The following DSCC1 variants were observed in gnomAD, a reference collection of about 807,000 sequenced individuals.
The protein encoded by DSCC1 is sister chromatid cohesion protein DCC1.
Under a neutral mutation model 48.2 loss-of-function variants are expected in DSCC1, and 32 were observed. That is an observed-to-expected ratio of 0.66 (90% CI 0.50 to 0.89). The LOEUF (loss-of-function observed/expected upper bound fraction) is 0.89. Among genes scored for constraint, DSCC1 ranks in the 40% least tolerant of loss-of-function variants. The pLI, the probability that DSCC1 is intolerant of heterozygous loss-of-function variation, is 0.00. For missense variants in DSCC1, 421 were observed against 471.7 expected, an observed-to-expected ratio of 0.89 and a Z score of 1.00; for synonymous variants, 150 against 171.5, an observed-to-expected ratio of 0.87 and a Z score of 0.98.
chr8:119,835,506 CAAAAA>C (rs1339203051), intron 8 of DSCC1, among the ~76,000 whole-genome samples: 1 of 145,102 alleles, frequency 6.9e-6, no homozygotes, highest in South Asian at 2.2e-4. Context: ...GACTCTGTCT[CAAAAA>C]AACAAACAAA....
intron 1 of DSCC1, among the ~76,000 whole-genome samples, chr8:119,855,151 G>C (rs915633270): frequency 3.3e-5 from 5 of 152,208 alleles, no homozygotes; most frequent in African/African-American, 1.2e-4. Flanking sequence ...AAGCAAGTTT[G>C]CTTCGGGGTG....
At chr8:119,854,837 C>A (rs948378538) in intron 1 of DSCC1, among the ~76,000 whole-genome samples, 17 of 152,154 alleles carry the variant, frequency 1.1e-4, no homozygotes, top group Non-Finnish European at 2.5e-4. Flanking sequence ...GGCCAGTTTA[C>A]TCTAACACTC....
intron 1 of DSCC1, among the ~76,000 whole-genome samples, chr8:119,853,437 A>G (rs1361137710): frequency 6.6e-6 from 1 of 152,028 alleles, no homozygotes. Context: ...AAAAATAATT[A>G]AAGATGGGCA....
chr8:119,841,270 G>A (rs1438034930), intron 7 of DSCC1, among the ~76,000 whole-genome samples: 4 of 152,152 alleles, frequency 2.6e-5, no homozygotes, highest in Non-Finnish European at 4.4e-5. Context: ...GGGATTACAG[G>A]CGTGAGCTAC....
At position 119,834,861 on chromosome 8, in the gene DSCC1, A is replaced by T. The variant is rs778938800; in HGVS notation, c.*32T>A. 7.0e-7 allele frequency: 1 copy of T among 1,429,128 alleles called. No homozygotes were observed. Among genetic ancestry groups the T allele is most frequent in the Admixed American group, 1.8e-5 (1 of 55,732 alleles). The allele number at this position is 1,429,128 out of a possible 1,614,324, so 88.5% of individuals were successfully genotyped here. On this transcript the variant is annotated 3_prime_UTR_variant, in exon 9 of 9. Coordinates refer to ENST00000313655, the MANE Select transcript of DSCC1 (RefSeq NM_024094.3). ...TTCTATCCAGCAACTTTATAAAGCA[A>T]CTTGAGTCCTGAAGAAAAGACCGTT...
chr8:119,850,605 C>T, intron 2 of DSCC1, 89 bp from the exon 3 acceptor site: 1 of 1,221,424 alleles, frequency 8.2e-7, no homozygotes, highest in Non-Finnish European at 1.1e-6. Context: ...GCCCCCTCAA[C>T]AAGTACAAAG....
chr8:119,834,205 A>G lies in DSCC1; in HGVS notation c.*688T>C. On this transcript the variant is annotated 3_prime_UTR_variant, in exon 9 of 9. Transcript: ENST00000313655. ...ATTAATTTGAACTTTGATCTAAACC[A>G]AAACAAATCAGGAAAATAAAGCTGT... is the stretch of plus-strand genomic sequence containing the variant. The G allele has an allele frequency of 6.6e-6, 1 of 152,250 alleles. No individual in the cohort carries two copies. Among genetic ancestry groups the G allele is most frequent in the East Asian group, 1.9e-4 (1 of 5,198 alleles). 9.4% of individuals were successfully genotyped at this position (152,250 alleles called of 1,614,324 possible).
intron 6 of DSCC1, 142 bp from the exon 7 acceptor site, chr8:119,842,090 T>TC: frequency 1.0e-6 from 1 of 978,092 alleles, no homozygotes; most frequent in Non-Finnish European, 1.5e-6. Flanking sequence ...TCGTTTTTTT[T>TC]TGAGACAGAG....
chr8:119,849,176 C>A (rs1826907281), intron 3 of DSCC1, among the ~76,000 whole-genome samples: 2 of 91,688 alleles, frequency 2.2e-5, no homozygotes, highest in Non-Finnish European at 4.4e-5. Context: ...CAGAGCGAGA[C>A]TCCCTCTCAA....
At chr8:119,853,989 C>A (rs78458916) in intron 1 of DSCC1, among the ~76,000 whole-genome samples, 1 of 152,120 alleles carries the variant, frequency 6.6e-6, no homozygotes, top group Non-Finnish European at 1.5e-5. Flanking sequence ...GCCAGAAGAT[C>A]GCTCGAGAGC....
intron 4 of DSCC1, among the ~76,000 whole-genome samples, chr8:119,845,490 A>G (rs1427639000): frequency 6.6e-6 from 1 of 152,210 alleles, no homozygotes; most frequent in Non-Finnish European, 1.5e-5. Context: ...CTCTGAAAAC[A>G]TAAAGACAAC....
At chr8:119,855,353 C>G (rs182626012) in intron 1 of DSCC1, among the ~76,000 whole-genome samples, 2 of 152,178 alleles carry the variant, frequency 1.3e-5, no homozygotes, top group African/African-American at 4.8e-5. Context: ...AAAAACTTCA[C>G]GGAGGTTGTA....
At chr8:119,843,500 A>G in intron 5 of DSCC1, 109 bp downstream of exon 5, 1 of 1,407,836 alleles carries the variant, frequency 7.1e-7, no homozygotes, top group Admixed American at 2.4e-5. Context: ...TTTCTCAAAG[A>G]TATCAAAATA....
intron 4 of DSCC1, among the ~76,000 whole-genome samples, chr8:119,845,916 T>G (rs531420249): frequency 6.6e-6 from 1 of 152,016 alleles, no homozygotes; most frequent in Admixed American, 6.6e-5. Flanking sequence ...GCCACTGTAC[T>G]CCAGCCTGGG....
intron 3 of DSCC1, 142 bp downstream of exon 3, chr8:119,850,240 G>C: frequency 1.3e-6 from 1 of 750,422 alleles, no homozygotes; most frequent in Non-Finnish European, 2.0e-6. Context: ...GCTTTGGGGT[G>C]TGCTTGAAAT....
intron 1 of DSCC1, 32 bp from the exon 2 acceptor site, chr8:119,853,247 T>C (rs1826967829): frequency 6.3e-7 from 1 of 1,575,776 alleles, no homozygotes; most frequent in Non-Finnish European, 8.6e-7. Flanking sequence ...ATATATAGTT[T>C]ATTGACAATC....
intron 8 of DSCC1, among the ~76,000 whole-genome samples, chr8:119,837,295 GC>G (rs1266610118): frequency 1.3e-5 from 2 of 152,172 alleles, no homozygotes; most frequent in African/African-American, 2.4e-5. Flanking sequence ...TAGACCTAGT[GC>G]AGAAGGATTG....
Position 119,841,779 on chromosome 8 carries a change from G to A in DSCC1, c.924+15C>T. ...TCAACTGTTGAAGTAAGGTGGCAATGTCTATTGCTATTACCTTAAGCTGAT... is the reference window on the plus strand; with the variant it reads ...TCAACTGTTGAAGTAAGGTGGCAATATCTATTGCTATTACCTTAAGCTGAT... On this transcript the variant is annotated intron_variant, in intron 7 of 8. Coordinates refer to ENST00000313655, the MANE Select transcript of DSCC1 (RefSeq NM_024094.3). The A allele has an allele frequency of 6.2e-7, 1 of 1,608,156 alleles. No homozygotes were observed. The highest frequency in any genetic ancestry group is 1.1e-5 in the South Asian group (1 of 90,588).
At chr8:119,843,989 C>A (rs1490795919) in intron 4 of DSCC1, among the ~76,000 whole-genome samples, 1 of 152,034 alleles carries the variant, frequency 6.6e-6, no homozygotes, top group Non-Finnish European at 1.5e-5. Context: ...GTTGGCCAGG[C>A]TGGTCCTGAC....
Sources: gnomAD v4.1 joint callset for allele counts (sites outside exome capture counted in the v4.1 genomes callset) on GRCh38, gnomAD v4.1.1 for gene constraint, MANE v1.5 for transcripts, NCBI Gene and HGNC (gene_info 2026-07-23, HGNC 2026-07-21) for gene names.